TMEM14A: variants seen among roughly 807,000 people sequenced by gnomAD.
TMEM14A encodes transmembrane protein 14A.
Under a neutral mutation model 11.6 loss-of-function variants are expected in TMEM14A, and 8 were observed. The ratio of observed to expected loss-of-function variants is 0.69; its 90% CI spans 0.40 to 1.24. TMEM14A has a LOEUF of 1.24. Among genes scored for constraint, TMEM14A ranks in the 50% most tolerant of loss-of-function variants. The pLI, the probability that TMEM14A is intolerant of heterozygous loss-of-function variation, is 0.01. For synonymous variants in TMEM14A, 34 were observed against 45.5 expected, an observed-to-expected ratio of 0.75 and a Z score of 1.02; for missense variants, 108 against 121.9, an observed-to-expected ratio of 0.89 and a Z score of 0.54.
chr6:52,677,187 A>AATTTTCATG lies in TMEM14A; in HGVS notation c.70+17_70+25dup, dbSNP rs1554137256. 6.2e-7 allele frequency: 1 copy of AATTTTCATG among 1,613,804 alleles called. No homozygotes were observed. The highest frequency in any genetic ancestry group is 8.5e-7 in the Non-Finnish European group (1 of 1,179,762). On this transcript the variant is annotated intron_variant, in intron 2 of 4. Transcript: ENST00000211314. ...TAAGCGGAGAGGTAAGCCTAACCCA[A>AATTTTCATG]ATTTTCATGAAAGGGAATTAGTGGG...
intron 2 of TMEM14A, among the ~76,000 whole-genome samples, chr6:52,680,439 G>A (rs552377335): frequency 6.6e-6 from 1 of 150,944 alleles, no homozygotes; most frequent in Non-Finnish European, 1.5e-5. Context: ...GCTTTGGGAA[G>A]CACTAAGGTT....
chr6:52,674,862 C>T (rs1215823319), intron 1 of TMEM14A, among the ~76,000 whole-genome samples: 2 of 149,976 alleles, frequency 1.3e-5, no homozygotes, highest in African/African-American at 4.9e-5. Context: ...TAGTGGATGA[C>T]TCTGAGATCA....
At chr6:52,684,255 C>T in intron 4 of TMEM14A, 90 bp downstream of exon 4, 5 of 1,181,934 alleles carry the variant, frequency 4.2e-6, no homozygotes, top group Non-Finnish European at 6.0e-6. Flanking sequence ...TTTGAAAGAT[C>T]AAAGTCCTTT....
chr6:52,674,172 T>C (rs1345623133), intron 1 of TMEM14A, among the ~76,000 whole-genome samples: 1 of 152,014 alleles, frequency 6.6e-6, no homozygotes, highest in African/African-American at 2.4e-5. Context: ...AGCATATGGT[T>C]AGCTCCTTTA....
chr6:52,680,684 C>CGTGTGTGT lies in TMEM14A; in HGVS notation c.71-1129_71-1128insGTGTGTGT, dbSNP rs1769365534. On this transcript the variant is annotated intron_variant, in intron 2 of 4. Transcript: ENST00000211314. ...ATATATATGTGTATATATATATATA[C>CGTGTGTGT]ATATATGTATATATATATATACACA... Among the ~76,000 whole-genome samples the CGTGTGTGT allele has an allele frequency of 5.2e-5, 2 of 38,708 alleles. 1 individual carries two copies. Among genetic ancestry groups the CGTGTGTGT allele is most frequent in the Non-Finnish European group, 1.1e-4 (2 of 17,688 alleles). The allele number at this position is 38,708 out of a possible 152,430, so 25.4% of individuals were successfully genotyped here.
At chr6:52,679,492 A>G (rs149256932) in intron 2 of TMEM14A, among the ~76,000 whole-genome samples, 1 of 152,304 alleles carries the variant, frequency 6.6e-6, no homozygotes, top group East Asian at 1.9e-4. Context: ...TTGGACGACC[A>G]TAAGAGCACC....
intron 2 of TMEM14A, among the ~76,000 whole-genome samples, chr6:52,679,168 G>T (rs112527805): frequency 0.051 from 7,746 of 152,240 alleles, 247 homozygotes; most frequent in Middle Eastern, 0.14. Flanking sequence ...TTTTGATGGG[G>T]GTACAGTGGG....
In TMEM14A at chr6:52,680,697, A is replaced by ATATATATATGTG. The variant is rs1377537651; in HGVS notation, c.71-1108_71-1107insTGTGTATATATA. Among the ~76,000 whole-genome samples, 912 of 92,222 alleles carry ATATATATATGTG rather than the reference A, an allele frequency of 9.9e-3. 111 individuals are homozygous for ATATATATATGTG. Among genetic ancestry groups the ATATATATATGTG allele is most frequent in the African/African-American group, 0.032 (860 of 27,188 alleles). 60.5% of individuals were successfully genotyped at this position (92,222 alleles called of 152,430 possible). ...TATATATATATACATATATGTATAT[A>ATATATATATGTG]TATATATACACATATATATATGGCA... On this transcript the variant is annotated intron_variant, in intron 2 of 4. Coordinates refer to ENST00000211314, the MANE Select transcript of TMEM14A (RefSeq NM_014051.4).
chr6:52,673,182 C>G (rs1272178372), intron 1 of TMEM14A, among the ~76,000 whole-genome samples: 1 of 152,120 alleles, frequency 6.6e-6, no homozygotes, highest in African/African-American at 2.4e-5. Context: ...TAAAGCATAC[C>G]CTTAGAATGA....
intron 4 of TMEM14A, among the ~76,000 whole-genome samples, chr6:52,685,783 A>G (rs895449812): frequency 7.9e-5 from 12 of 152,120 alleles, no homozygotes; most frequent in Non-Finnish European, 1.2e-4. Flanking sequence ...CCCTCATCCA[A>G]GGTTTTCAGA....
chr6:52,682,030 T>C (rs1198152027), intron 3 of TMEM14A, 116 bp downstream of exon 3: 3 of 782,398 alleles, frequency 3.8e-6, no homozygotes, highest in Non-Finnish European at 6.2e-6. Context: ...GCCATATGCA[T>C]GTGTTGAGGC....
In TMEM14A at chr6:52,686,491, C is replaced by A; in HGVS notation, c.*442C>A. 1 of 383,602 alleles carries A rather than the reference C, an allele frequency of 2.6e-6. No individual in the cohort carries two copies. The highest frequency in any genetic ancestry group is 4.6e-6 in the Non-Finnish European group (1 of 215,610). 23.8% of individuals were successfully genotyped at this position (383,602 alleles called of 1,614,324 possible). On this transcript the variant is annotated 3_prime_UTR_variant, in exon 5 of 5. Coordinates refer to ENST00000211314, the MANE Select transcript of TMEM14A (RefSeq NM_014051.4). The stretch of plus-strand genomic sequence containing the variant: ...TTTTCCATTTTAATTGTATTGCTGC[C>A]AGTGCTATTTTTTTCTTTAAAAAAT...
chr6:52,678,893 C>A (rs1769311596), intron 2 of TMEM14A, among the ~76,000 whole-genome samples: 1 of 152,112 alleles, frequency 6.6e-6, no homozygotes, highest in East Asian at 1.9e-4. Context: ...GTATTATGTT[C>A]TAAGCTGCCA....
At chr6:52,683,895 G>T (rs552394195) in intron 3 of TMEM14A, among the ~76,000 whole-genome samples, 183 bp from the exon 4 acceptor site, 79 of 152,324 alleles carry the variant, frequency 5.2e-4, no homozygotes, top group Non-Finnish European at 8.1e-4. Flanking sequence ...GATTATAGGC[G>T]TAAGCCACTG....
intron 2 of TMEM14A, among the ~76,000 whole-genome samples, chr6:52,680,660 T>TATATATGTGTATATATATATAC (rs1561875030): frequency 0.02 from 935 of 46,692 alleles, 51 homozygotes; most frequent in African/African-American, 0.064. Context: ...TGTGTGTGTA[T>TATATATGTGTATATATATATAC]ATATATGTGT....
Position 52,686,148 on chromosome 6 carries a change from T to A in TMEM14A, c.*99T>A. The A allele has an allele frequency of 8.2e-7, 1 of 1,216,700 alleles. No individual in the cohort carries two copies. Among genetic ancestry groups the A allele is most frequent in the Non-Finnish European group, 1.1e-6 (1 of 871,654 alleles). 75.4% of individuals were successfully genotyped at this position (1,216,700 alleles called of 1,614,324 possible). ...AAAGATAAACTTCAATATGGAATGCTAGAAACACAAATAGCACTGTCACCT... is the reference window on the plus strand; with the variant it reads ...AAAGATAAACTTCAATATGGAATGCAAGAAACACAAATAGCACTGTCACCT... On this transcript the variant is annotated 3_prime_UTR_variant, in exon 5 of 5. Transcript: ENST00000211314.
chr6:52,682,444 C>T (rs1289548701), intron 3 of TMEM14A, among the ~76,000 whole-genome samples: 3 of 152,196 alleles, frequency 2.0e-5, no homozygotes, highest in Admixed American at 2.0e-4. Flanking sequence ...TTTCATCTCA[C>T]TTGAAAGAGA....
chr6:52,683,576 G>A (rs1012300712), intron 3 of TMEM14A, among the ~76,000 whole-genome samples: 2 of 151,796 alleles, frequency 1.3e-5, no homozygotes, highest in African/African-American at 4.8e-5. Flanking sequence ...AAACCTTTTC[G>A]GCGAGGTAGA....
At chr6:52,678,408 T>A (rs1037929168) in intron 2 of TMEM14A, among the ~76,000 whole-genome samples, 19 of 151,972 alleles carry the variant, frequency 1.3e-4, no homozygotes, top group Admixed American at 7.2e-4. Context: ...ATCTCTTCAT[T>A]GTTTACCAGC....
Sources: gnomAD v4.1 joint callset for allele counts (sites outside exome capture counted in the v4.1 genomes callset) on GRCh38, gnomAD v4.1.1 for gene constraint, MANE v1.5 for transcripts, NCBI Gene and HGNC (gene_info 2026-07-23, HGNC 2026-07-21) for gene names.